CFDP1: variants seen among roughly 807,000 people sequenced by gnomAD.
CFDP1 encodes the protein heterochromatin-stabilizing protein CFDP1.
A neutral mutation model predicts 40.1 loss-of-function variants in CFDP1; 31 were observed. That is an observed-to-expected ratio of 0.77 (90% CI 0.58 to 1.04). The LOEUF is 1.04. Among genes scored for constraint, CFDP1 ranks in the 50% least tolerant of loss-of-function variants. The probability of loss-of-function intolerance (pLI) is 0.00; values close to 1 mark genes in which losing one functional copy is unlikely to be tolerated. For synonymous variants in CFDP1, 167 were observed against 120.0 expected, an observed-to-expected ratio of 1.39 and a Z score of -2.56; for missense variants, 423 against 343.4, an observed-to-expected ratio of 1.23 and a Z score of -1.83.
intron 4 of CFDP1, among the ~76,000 whole-genome samples, chr16:75,405,049 G>A (rs79385432): frequency 4.9e-4 from 74 of 152,294 alleles, no homozygotes; most frequent in African/African-American, 1.7e-3. Flanking sequence ...CACAGAAATT[G>A]TGAGTATTTA....
At chr16:75,330,689 C>G (rs2078439634) in intron 5 of CFDP1, among the ~76,000 whole-genome samples, 1 of 152,050 alleles carries the variant, frequency 6.6e-6, no homozygotes, top group Non-Finnish European at 1.5e-5. Context: ...GAATTCTCTT[C>G]CTTAGGAAAA....
chr16:75,393,952 G>A (rs4888403), intron 5 of CFDP1, among the ~76,000 whole-genome samples: 77,709 of 150,792 alleles, frequency 0.52, 20,981 homozygotes, highest in Admixed American at 0.64. Context: ...CTACTCAGGA[G>A]GCTGAGGCAG....
intron 5 of CFDP1, among the ~76,000 whole-genome samples, chr16:75,383,618 A>C (rs1235114458): frequency 6.6e-6 from 1 of 152,034 alleles, no homozygotes. Flanking sequence ...CAAGTGATCG[A>C]GACCATCCTT....
intron 5 of CFDP1, among the ~76,000 whole-genome samples, chr16:75,374,816 G>T (rs2078779679): frequency 6.6e-6 from 1 of 152,048 alleles, no homozygotes; most frequent in Non-Finnish European, 1.5e-5. Context: ...AATAAAAATT[G>T]ACTGCTTATT....
chr16:75,332,236 G>A (rs1018199458), intron 5 of CFDP1, among the ~76,000 whole-genome samples: 2 of 152,106 alleles, frequency 1.3e-5, no homozygotes, highest in East Asian at 1.9e-4. Flanking sequence ...AGGCCGAGGT[G>A]GGCGGATCAC....
rs551355986 is a variant in CFDP1, at chr16:75,418,976, T to C, written c.65-4281A>G. The C allele has an allele frequency of 4.8e-4, 137 of 282,724 alleles. 1 individual carries two copies. The highest frequency in any genetic ancestry group is 7.7e-4 in the Non-Finnish European group (104 of 134,438). The allele number at this position is 282,724 out of a possible 1,614,324, so 17.5% of individuals were successfully genotyped here. ...GCAACAGAGCAAGAGCCTGTTTCTA[T>C]AAAAGATTTTTAAAAAATTAGTCAG... On this transcript the variant is annotated intron_variant, in intron 1 of 6. Transcript: ENST00000283882.
chr16:75,293,998 T>G lies in CFDP1; in HGVS notation c.854A>C (p.Gln285Pro). The change falls in exon 7 of 7, where the codon CAG becomes CCG. Residue 285 changes from glutamine (Q) to proline (P), a missense_variant. Physicochemically the swap from Gln to Pro is moderately conservative, Grantham distance 76. Coordinates refer to ENST00000283882, the MANE Select transcript of CFDP1 (RefSeq NM_006324.3). ...CCTGAGATCTCGCTCAATTTCAAACTGCCTGTGATCCACTCGGTCAAGGAA... is the reference window on the plus strand; with the variant it reads ...CCTGAGATCTCGCTCAATTTCAAACGGCCTGTGATCCACTCGGTCAAGGAA... ...KAFLDRVDHR[Q>P]FEIERDLRLS... The G allele has an allele frequency of 6.2e-7, 1 of 1,614,168 alleles. No homozygotes were observed.
intron 5 of CFDP1, among the ~76,000 whole-genome samples, chr16:75,346,900 G>T (rs1263794404): frequency 1.3e-5 from 2 of 152,044 alleles, no homozygotes; most frequent in African/African-American, 4.8e-5. Flanking sequence ...ATTCTGCTTA[G>T]CTTGGGAAAA....
At chr16:75,347,496 G>A (rs1481458996) in intron 5 of CFDP1, among the ~76,000 whole-genome samples, 5 of 151,892 alleles carry the variant, frequency 3.3e-5, no homozygotes, top group African/African-American at 7.3e-5. Context: ...TGGTTAACAC[G>A]GTGAAACCCT....
In CFDP1 at chr16:75,369,816, G is replaced by C. The variant is rs181242464; in HGVS notation, c.650+25274C>G. Among the ~76,000 whole-genome samples the C allele has an allele frequency of 3.3e-5, 5 of 151,866 alleles. No individual in the cohort carries two copies. In the South Asian group the frequency reaches 1.0e-3, roughly 32 times the overall value. ...CACCCAGGCTGGAGTGCAGTGAAGC[G>C]ATCTTGGCTCACTAAAACCTCCGCC... On this transcript the variant is annotated intron_variant, in intron 5 of 6. Coordinates refer to ENST00000283882, the MANE Select transcript of CFDP1 (RefSeq NM_006324.3).
In CFDP1 at chr16:75,328,845, A is replaced by AT. The variant is rs569396422; in HGVS notation, c.651-23664dup. ...AGGCACATGCCACCATGCTCAGCGA[A>AT]TTTTTTTTTTTTTTTTTTGAGATGG... is the stretch of plus-strand genomic sequence containing the variant. On this transcript the variant is annotated intron_variant, in intron 5 of 6. Coordinates refer to ENST00000283882, the MANE Select transcript of CFDP1 (RefSeq NM_006324.3). Among the ~76,000 whole-genome samples the AT allele has an allele frequency of 2.7e-3, 352 of 131,572 alleles. 3 individuals are homozygous for AT. The highest frequency in any genetic ancestry group is 4.0e-3 in the South Asian group (16 of 4,002). 86.3% of individuals were successfully genotyped at this position (131,572 alleles called of 152,430 possible).
chr16:75,394,940 TC>T, intron 5 of CFDP1, 149 bp downstream of exon 5: 1 of 999,518 alleles, frequency 1.0e-6, no homozygotes, highest in Non-Finnish European at 1.4e-6. Flanking sequence ...CTTTGCATCT[TC>T]CATTCTGGTA....
chr16:75,316,692 G>A (rs1052969518), intron 5 of CFDP1, among the ~76,000 whole-genome samples: 6 of 151,862 alleles, frequency 4.0e-5, no homozygotes, highest in African/African-American at 7.3e-5. Context: ...AAAAGAGGCC[G>A]GGCGCGGTGG....
In CFDP1 at chr16:75,294,038, T is replaced by A. The variant is rs753294018; in HGVS notation, c.814A>T (p.Ile272Phe). Residue 272 changes from isoleucine to phenylalanine, a missense_variant, in exon 7 of 7, where the codon ATT (isoleucine) becomes TTT (phenylalanine). Coordinates refer to ENST00000283882, the MANE Select transcript of CFDP1 (RefSeq NM_006324.3). ...AIHNRGKEGY[I>F]ERKAFLDRVD... is the part of the protein sequence containing the mutation. ...CGGTCAAGGAAGGCTTTCCGTTCAA[T>A]GTACCTAGAAGATGAAAACAGTGTT... 7 of 1,612,394 alleles carry A rather than the reference T, an allele frequency of 4.3e-6. No individual in the cohort carries two copies. Among genetic ancestry groups the A allele is most frequent in the Non-Finnish European group, 5.9e-6 (7 of 1,178,544 alleles).
intron 1 of CFDP1, among the ~76,000 whole-genome samples, chr16:75,428,520 G>C (rs967713846): frequency 1.3e-5 from 2 of 152,008 alleles, no homozygotes; most frequent in African/African-American, 2.4e-5. Flanking sequence ...GAGAGGCTGA[G>C]GCAGGGGAAT....
intron 5 of CFDP1, among the ~76,000 whole-genome samples, chr16:75,334,161 C>T (rs1416434279): frequency 6.6e-6 from 1 of 152,090 alleles, no homozygotes; most frequent in African/African-American, 2.4e-5. Flanking sequence ...CCCACCCACT[C>T]TCACACATCC....
At chr16:75,387,468 T>C (rs889051553) in intron 5 of CFDP1, among the ~76,000 whole-genome samples, 1 of 152,202 alleles carries the variant, frequency 6.6e-6, no homozygotes, top group Non-Finnish European at 1.5e-5. Flanking sequence ...ACACAAACCA[T>C]GTCATTCTGG....
chr16:75,383,817 T>TAA (rs35216321), intron 5 of CFDP1, among the ~76,000 whole-genome samples: 62,523 of 126,672 alleles, frequency 0.49, 16,047 homozygotes, highest in Non-Finnish European at 0.57. Flanking sequence ...GACTCCGTCT[T>TAA]AAAAAAAAAA....
chr16:75,419,157 G>C (rs987542450), intron 1 of CFDP1: 29 of 291,574 alleles, frequency 9.9e-5, no homozygotes, highest in Non-Finnish European at 1.7e-4. Flanking sequence ...ACAAGATCCA[G>C]CCTGAAAGAG....
Sources: gnomAD v4.1 joint callset for allele counts (sites outside exome capture counted in the v4.1 genomes callset) on GRCh38, gnomAD v4.1.1 for gene constraint, MANE v1.5 for transcripts, NCBI Gene and HGNC (gene_info 2026-07-23, HGNC 2026-07-21) for gene names.